The following CSMD1 variants were observed in gnomAD, a reference collection of about 807,000 sequenced individuals.
CSMD1 encodes CUB and Sushi multiple domains 1, also known as CUB and sushi domain-containing protein 1.
A neutral mutation model predicts 417.5 loss-of-function variants in CSMD1; 213 were observed. The ratio of observed to expected loss-of-function variants is 0.51; its 90% CI spans 0.46 to 0.57. CSMD1 has a LOEUF of 0.57. CSMD1 is among the 20% of genes least tolerant of loss of function. The pLI is 0.00. For synonymous variants in CSMD1, 2,862 were observed against 1,736.8 expected (o/e 1.65, Z -16.11); for missense variants, 6,923 against 4,529.7 (o/e 1.53, Z -15.17).
intron 3 of CSMD1, among the ~76,000 whole-genome samples, chr8:4,188,242 A>T (rs1212905772): frequency 6.6e-6 from 1 of 152,116 alleles, no homozygotes; most frequent in Admixed American, 6.5e-5. Flanking sequence ...AGGACCCAGA[A>T]AACAGCGCAC....
intron 2 of CSMD1, among the ~76,000 whole-genome samples, chr8:4,427,451 A>C (rs537046595): frequency 1.3e-5 from 2 of 151,764 alleles, no homozygotes; most frequent in South Asian, 4.2e-4. Flanking sequence ...GGGAAGATGC[A>C]ATCAAGCAGG....
At chr8:4,395,923 T>A (rs1055107824) in intron 3 of CSMD1, among the ~76,000 whole-genome samples, 8 of 152,326 alleles carry the variant, frequency 5.3e-5, no homozygotes, top group African/African-American at 1.9e-4. Flanking sequence ...GTCTGACAGT[T>A]TTTGTAACCG....
At chr8:3,631,935 T>C (rs6983292) in intron 7 of CSMD1, among the ~76,000 whole-genome samples, 21,213 of 152,126 alleles carry the variant, frequency 0.14, 1,654 homozygotes, top group African/African-American at 0.19. Context: ...TCACTGCCTC[T>C]TTGTATGTTA....
At chr8:3,230,332 C>A (rs2116906610) in intron 26 of CSMD1, 101 bp from the exon 27 acceptor site, 1 of 871,494 alleles carries the variant, frequency 1.1e-6, no homozygotes, top group South Asian at 2.2e-5. Flanking sequence ...CTTCATTGGC[C>A]TAATAAGTCA....
At position 3,199,823 on chromosome 8, in the gene CSMD1, C is replaced by G; in HGVS notation, c.5099-14G>C. 2 of 1,535,184 alleles carry G rather than the reference C, an allele frequency of 1.3e-6. No homozygotes were observed. Among genetic ancestry groups the G allele is most frequent in the Middle Eastern group, 1.7e-4 (1 of 5,940 alleles). On this transcript the variant is annotated splice_polypyrimidine_tract_variant and intron_variant, in intron 32 of 69. Transcript: ENST00000635120. ...GCAATGTTTCCCCTAGAAACGAAAACAGAGACAGATTCAGAAAACACACAG... is the reference window on the plus strand; with the variant it reads ...GCAATGTTTCCCCTAGAAACGAAAAGAGAGACAGATTCAGAAAACACACAG...
At chr8:4,167,557 A>C (rs1204499489) in intron 3 of CSMD1, among the ~76,000 whole-genome samples, 1 of 152,198 alleles carries the variant, frequency 6.6e-6, no homozygotes, top group Admixed American at 6.5e-5. Flanking sequence ...TTGTTGCAGA[A>C]ATTAGCAGCA....
At chr8:2,997,294 T>G (rs661033) in intron 54 of CSMD1, among the ~76,000 whole-genome samples, 34,468 of 152,202 alleles carry the variant, frequency 0.23, 6,686 homozygotes, top group African/African-American at 0.53. Flanking sequence ...ATACAACTTC[T>G]AATCATTTTT....
At chr8:3,257,504 G>GT (rs1800744167) in intron 26 of CSMD1, among the ~76,000 whole-genome samples, 1 of 152,160 alleles carries the variant, frequency 6.6e-6, no homozygotes, top group Non-Finnish European at 1.5e-5. Flanking sequence ...GTGACAGTGC[G>GT]TTGGGATAAA....
intron 7 of CSMD1, among the ~76,000 whole-genome samples, chr8:3,650,279 G>GAAA (rs35796175): frequency 6.9e-6 from 1 of 145,586 alleles, no homozygotes; most frequent in Non-Finnish European, 1.5e-5. Flanking sequence ...CTCTTTCTCA[G>GAAA]AAAAAAAAAA....
intron 25 of CSMD1, among the ~76,000 whole-genome samples, chr8:3,299,534 C>A (rs1804230136): frequency 6.7e-6 from 1 of 150,346 alleles, no homozygotes; most frequent in Non-Finnish European, 1.5e-5. Context: ...AAGCACACAT[C>A]CTCCAACGCA....
chr8:4,236,363 C>G (rs1408606357), intron 3 of CSMD1, among the ~76,000 whole-genome samples: 1 of 152,006 alleles, frequency 6.6e-6, no homozygotes, highest in Non-Finnish European at 1.5e-5. Flanking sequence ...GATTTCATCC[C>G]CACTCGGAGA....
At chr8:3,922,023 C>G (rs976674124) in intron 5 of CSMD1, among the ~76,000 whole-genome samples, 2 of 152,012 alleles carry the variant, frequency 1.3e-5, no homozygotes, top group African/African-American at 4.8e-5. Flanking sequence ...TCTATTTTCC[C>G]TCCAGTTCTG....
chr8:3,724,145 G>T (rs1412752149), intron 6 of CSMD1, among the ~76,000 whole-genome samples: 2 of 148,746 alleles, frequency 1.3e-5, no homozygotes, highest in East Asian at 2.0e-4. Context: ...CACCATGCCA[G>T]ACGTTAAAAA....
At chr8:4,481,667 G>C (rs1224112872) in intron 2 of CSMD1, among the ~76,000 whole-genome samples, 1 of 152,138 alleles carries the variant, frequency 6.6e-6, no homozygotes, top group Non-Finnish European at 1.5e-5. Context: ...TGAGTCCACA[G>C]ACCTTGTAAA....
At chr8:4,461,079 A>T (rs1327565588) in intron 2 of CSMD1, among the ~76,000 whole-genome samples, 1 of 150,658 alleles carries the variant, frequency 6.6e-6, no homozygotes, top group African/African-American at 2.5e-5. Flanking sequence ...AGTGCTATTT[A>T]TCTCAGGAAT....
At position 3,018,573 on chromosome 8, in the gene CSMD1, T is replaced by C. The variant is rs1319791573; in HGVS notation, c.7933A>G (p.Ile2645Val). The stretch of plus-strand genomic sequence containing the variant: ...GTGTAGCCGGTGTTGCACGTAAATA[T>C]AGCTGTGGCCCCATAAACTGTCAAC... Reference protein sequence around the residue: ...GTLTVYGATAIFTCNTGYTLV... With the variant: ...GTLTVYGATAVFTCNTGYTLV... The change falls in exon 52 of 70, where the codon ATA (isoleucine) becomes GTA (valine). Residue 2645 changes from isoleucine (I) to valine (V), a missense_variant. Transcript: ENST00000635120. 2.5e-6 allele frequency: 4 copies of C among 1,613,332 alleles called. No homozygotes were observed. Among genetic ancestry groups the C allele is most frequent in the East Asian group, 2.2e-5 (1 of 44,866 alleles).
intron 3 of CSMD1, among the ~76,000 whole-genome samples, chr8:4,219,716 T>G (rs966831184): frequency 6.6e-6 from 1 of 152,216 alleles, no homozygotes; most frequent in Non-Finnish European, 1.5e-5. Flanking sequence ...TTTTGGGGAC[T>G]GTCTTCACAA....
chr8:4,318,691 GC>G (rs1273825900), intron 3 of CSMD1, among the ~76,000 whole-genome samples: 3 of 135,872 alleles, frequency 2.2e-5, no homozygotes, highest in Non-Finnish European at 4.7e-5. Flanking sequence ...TAACTCAAAG[GC>G]TTAATATTAT....
chr8:4,261,625 G>C (rs1449338473), intron 3 of CSMD1, among the ~76,000 whole-genome samples: 1 of 152,046 alleles, frequency 6.6e-6, no homozygotes, highest in Non-Finnish European at 1.5e-5. Context: ...GCGCAGGCTA[G>C]TGTTGAACTC....
Sources: gnomAD v4.1 joint callset for allele counts (sites outside exome capture counted in the v4.1 genomes callset) on GRCh38, gnomAD v4.1.1 for gene constraint, MANE v1.5 for transcripts, NCBI Gene and HGNC (gene_info 2026-07-23, HGNC 2026-07-21) for gene names.